The following PLD1 variants were observed in gnomAD, a reference collection of about 807,000 sequenced individuals.
PLD1 encodes choline phosphatase 1.
PLD1 carries 112 observed loss-of-function variants against 137.1 expected under a neutral mutation model. The observed-to-expected ratio is 0.82, with a 90% confidence interval of 0.70 to 0.96. The LOEUF is 0.96. Among genes scored for constraint, PLD1 ranks in the 40% least tolerant of loss-of-function variants. PLD1 has a pLI of 0.00. For missense variants in PLD1, 1,321 were observed against 1,342.0 expected (o/e 0.98, Z 0.24); for synonymous variants, 431 against 454.7 (o/e 0.95, Z 0.66).
At position 171,721,797 on chromosome 3, in the gene PLD1, GA is replaced by G. The variant is rs1158949915; in HGVS notation, c.758+2898del. Among the ~76,000 whole-genome samples, 93 of 149,564 alleles carry G rather than the reference GA, an allele frequency of 6.2e-4. 1 individual carries two copies. Among genetic ancestry groups the G allele is most frequent in the African/African-American group, 2.1e-3 (85 of 40,782 alleles). On this transcript the variant is annotated intron_variant, in intron 8 of 26. Coordinates refer to ENST00000351298, the MANE Select transcript of PLD1 (RefSeq NM_002662.5). ...AGACTCCATCTCAGAAAAAAAAAAA[GA>G]AAAAAAACTTTTTTCCCTTACAAAA... is the stretch of plus-strand genomic sequence containing the variant.
intron 19 of PLD1, among the ~76,000 whole-genome samples, chr3:171,663,093 CCCCA>C (rs1473057024): frequency 1.3e-5 from 2 of 152,208 alleles, no homozygotes; most frequent in African/African-American, 4.8e-5. Flanking sequence ...ATTTCAAATA[CCCCA>C]CTGGCCAGGG....
intron 19 of PLD1, among the ~76,000 whole-genome samples, chr3:171,666,005 A>G (rs907397152): frequency 1.3e-5 from 2 of 152,232 alleles, no homozygotes; most frequent in African/African-American, 4.8e-5. Flanking sequence ...AATTAGTTAA[A>G]ATCTCCCTAT....
chr3:171,659,306 G>C lies in PLD1; in HGVS notation c.2341-5C>G, dbSNP rs1335880618. On this transcript the variant is annotated splice_polypyrimidine_tract_variant and splice_region_variant and intron_variant, in intron 20 of 26. Coordinates refer to ENST00000351298, the MANE Select transcript of PLD1 (RefSeq NM_002662.5). The stretch of plus-strand genomic sequence containing the variant: ...ACAGCTTATGAAAAACTGGTTCTAT[G>C]AGAAATAAACAAGACAATCATGTTA... 1 of 1,582,274 alleles carries C rather than the reference G, an allele frequency of 6.3e-7. No homozygotes were observed. The highest frequency in any genetic ancestry group is 8.7e-7 in the Non-Finnish European group (1 of 1,151,074).
At chr3:171,733,846 T>G in intron 5 of PLD1, among the ~76,000 whole-genome samples, 1 of 152,288 alleles carries the variant, frequency 6.6e-6, no homozygotes, top group East Asian at 1.9e-4. Context: ...TACCAAAAAC[T>G]TTCATTTTTT....
At chr3:171,775,646 C>A (rs1006877703) in intron 1 of PLD1, among the ~76,000 whole-genome samples, 3 of 152,104 alleles carry the variant, frequency 2.0e-5, no homozygotes, top group African/African-American at 7.2e-5. Context: ...GGTTCAAGAC[C>A]AGCCTGGCCG....
chr3:171,686,997 C>T (rs750044946), intron 15 of PLD1, among the ~76,000 whole-genome samples, 199 bp from the exon 16 acceptor site: 6 of 152,102 alleles, frequency 3.9e-5, no homozygotes, highest in African/African-American at 9.7e-5. Context: ...TGATGTTTGA[C>T]GAAATAAGCT....
intron 1 of PLD1, among the ~76,000 whole-genome samples, chr3:171,768,500 A>G (rs1357102542): frequency 6.6e-6 from 1 of 152,252 alleles, no homozygotes; most frequent in African/African-American, 2.4e-5. Flanking sequence ...TCACACAGGA[A>G]CAAGGAGTGA....
intron 1 of PLD1, among the ~76,000 whole-genome samples, chr3:171,773,827 C>T (rs1436430758): frequency 3.3e-5 from 5 of 152,044 alleles, no homozygotes; most frequent in Admixed American, 6.5e-5. Context: ...CGGCTCACTG[C>T]AACCTCCGCC....
At chr3:171,654,679 A>AT (rs562442501) in intron 21 of PLD1, among the ~76,000 whole-genome samples, 3 of 152,006 alleles carry the variant, frequency 2.0e-5, no homozygotes, top group East Asian at 3.9e-4. Context: ...GTGGATTATG[A>AT]TTTTTTTTCT....
intron 9 of PLD1, among the ~76,000 whole-genome samples, chr3:171,710,215 C>T (rs910774714): frequency 4.6e-5 from 7 of 152,118 alleles, no homozygotes; most frequent in African/African-American, 1.7e-4. Flanking sequence ...CACCCGCCAC[C>T]ACGCCCGGCT....
chr3:171,765,815 A>G (rs1721945121), intron 1 of PLD1, among the ~76,000 whole-genome samples: 1 of 152,206 alleles, frequency 6.6e-6, no homozygotes, highest in African/African-American at 2.4e-5. Flanking sequence ...GTTTAGACCA[A>G]AGAATTGTTA....
chr3:171,633,562 C>A (rs1218730460), intron 23 of PLD1, among the ~76,000 whole-genome samples: 12 of 152,058 alleles, frequency 7.9e-5, no homozygotes, highest in African/African-American at 2.9e-4. Context: ...GTGCAGCAAA[C>A]CACCATGGCA....
At chr3:171,674,990 A>G (rs1253462565) in intron 18 of PLD1, among the ~76,000 whole-genome samples, 1 of 151,074 alleles carries the variant, frequency 6.6e-6, no homozygotes, top group Non-Finnish European at 1.5e-5. Flanking sequence ...AAAAAAAAAA[A>G]AAAAAAAAAG....
intron 1 of PLD1, among the ~76,000 whole-genome samples, chr3:171,745,938 C>T (rs150668486): frequency 3.2e-3 from 487 of 152,208 alleles, no homozygotes; most frequent in African/African-American, 0.011. Flanking sequence ...CACAGGCCAG[C>T]GCGAGTTCTG....
chr3:171,768,619 T>C (rs1022548820), intron 1 of PLD1, among the ~76,000 whole-genome samples: 3 of 152,238 alleles, frequency 2.0e-5, no homozygotes, highest in African/African-American at 7.2e-5. Context: ...TTCAATTCTT[T>C]CCTCAGAGTC....
intron 11 of PLD1, among the ~76,000 whole-genome samples, chr3:171,702,835 C>A (rs940127400): frequency 3.9e-5 from 6 of 152,028 alleles, no homozygotes; most frequent in Non-Finnish European, 8.8e-5. Flanking sequence ...TACCTAAATT[C>A]TTTCAGTAAA....
At position 171,631,477 on chromosome 3, in the gene PLD1, A is replaced by T. The variant is rs1578145011; in HGVS notation, c.2594-10957T>A. On this transcript the variant is annotated intron_variant, in intron 23 of 26. Transcript: ENST00000351298. ...GGTTTGTGTGTGTGTACAAAGGCCC[A>T]AAGTAGTGATATTCTAGTAGCAATG... 2.0e-5 allele frequency among the ~76,000 whole-genome samples: 3 copies of T among 152,324 alleles called. No homozygotes were observed. The East Asian group carries it at 5.8e-4, about 29-fold the overall frequency.
intron 19 of PLD1, among the ~76,000 whole-genome samples, chr3:171,673,426 C>T (rs568145693): frequency 4.1e-4 from 63 of 152,020 alleles, no homozygotes; most frequent in African/African-American, 1.4e-3. Context: ...GGATTACAGG[C>T]GCACGCTACC....
intron 12 of PLD1, among the ~76,000 whole-genome samples, chr3:171,697,246 T>TTG (rs1578301650): frequency 1.2e-5 from 1 of 81,986 alleles, no homozygotes; most frequent in Non-Finnish European, 2.5e-5. Flanking sequence ...CCTTTTTTTT[T>TTG]TTTTTTTTTT....
Sources: gnomAD v4.1 joint callset for allele counts (sites outside exome capture counted in the v4.1 genomes callset) on GRCh38, gnomAD v4.1.1 for gene constraint, MANE v1.5 for transcripts, NCBI Gene and HGNC (gene_info 2026-07-23, HGNC 2026-07-21) for gene names.